Variants in ZFPM2 observed in about 807,000 individuals in gnomAD.
ZFPM2 encodes the protein zinc finger protein, FOG family member 2.
A neutral mutation model predicts 98.6 loss-of-function variants in ZFPM2; 20 were observed. The observed-to-expected ratio is 0.20, with a 90% CI of 0.14 to 0.29. The LOEUF (loss-of-function observed/expected upper bound fraction) is 0.29, where lower values mean the gene tolerates loss of function less well. ZFPM2 is among the 10% of genes least tolerant of loss of function. ZFPM2 has a pLI of 1.00. For missense variants in ZFPM2, 1,310 were observed against 1,388.6 expected (o/e 0.94, Z 0.90); for synonymous variants, 518 against 502.7 (o/e 1.03, Z -0.41).
Position 105,685,278 on chromosome 8 carries a change from A to C in ZFPM2, c.532+50921A>C, listed in dbSNP as rs186991360. The stretch of plus-strand genomic sequence containing the variant: ...AATTTAAATTGAATTAGCCACATGT[A>C]ATTAGTGGCTAACATATTGCATAGA... On this transcript the variant is annotated intron_variant, in intron 5 of 7. Coordinates refer to ENST00000407775, the MANE Select transcript of ZFPM2 (RefSeq NM_012082.4). 1.9e-4 allele frequency among the ~76,000 whole-genome samples: 29 copies of C among 152,250 alleles called. 1 individual carries two copies. The highest frequency in any genetic ancestry group is 1.5e-3 in the Admixed American group (23 of 15,290).
intron 3 of ZFPM2, among the ~76,000 whole-genome samples, chr8:105,482,667 A>G (rs1813143225): frequency 6.6e-6 from 1 of 152,148 alleles, no homozygotes; most frequent in Admixed American, 6.5e-5. Flanking sequence ...TTCAACATCT[A>G]TAGTCTTCTT....
chr8:105,736,081 CAT>C (rs950459284), intron 5 of ZFPM2, among the ~76,000 whole-genome samples: 5 of 151,924 alleles, frequency 3.3e-5, no homozygotes, highest in African/African-American at 4.8e-5. Context: ...AATGTTTAAA[CAT>C]GTGCTTATTT....
chr8:105,447,120 G>C (rs561828078), intron 3 of ZFPM2, among the ~76,000 whole-genome samples: 30 of 151,810 alleles, frequency 2.0e-4, no homozygotes, highest in African/African-American at 5.8e-4. Flanking sequence ...CATTTACCCT[G>C]ATATGACTAT....
intron 1 of ZFPM2, among the ~76,000 whole-genome samples, chr8:105,394,146 G>A (rs1811174785): frequency 6.6e-6 from 1 of 152,046 alleles, no homozygotes. Flanking sequence ...GCCCGCCTCG[G>A]CCTCCCAAAG....
chr8:105,472,528 A>C (rs1812924261), intron 3 of ZFPM2, among the ~76,000 whole-genome samples: 1 of 152,020 alleles, frequency 6.6e-6, no homozygotes. Context: ...TTTGAGACGG[A>C]GTCTCACTCT....
chr8:105,584,919 G>A (rs934533737), intron 4 of ZFPM2, among the ~76,000 whole-genome samples: 3 of 152,128 alleles, frequency 2.0e-5, no homozygotes, highest in African/African-American at 7.2e-5. Context: ...GTGTATGTCT[G>A]TAAATACTGT....
At position 105,648,325 on chromosome 8, in the gene ZFPM2, G is replaced by C. The variant is rs187213218; in HGVS notation, c.532+13968G>C. On this transcript the variant is annotated intron_variant, in intron 5 of 7. Coordinates refer to ENST00000407775, the MANE Select transcript of ZFPM2 (RefSeq NM_012082.4). ...TGCAAAAATGTTCTCCCATTCTGTAGGTTGCCTGTTCACTCCGATAGTAGT... is the reference window on the plus strand; with the variant it reads ...TGCAAAAATGTTCTCCCATTCTGTACGTTGCCTGTTCACTCCGATAGTAGT... Among the ~76,000 whole-genome samples the C allele has an allele frequency of 4.3e-4, 65 of 152,244 alleles. 1 individual carries two copies. The East Asian group carries it at 0.012, about 28-fold the overall frequency.
chr8:105,363,389 C>G (rs558983131), intron 1 of ZFPM2, among the ~76,000 whole-genome samples: 1 of 152,192 alleles, frequency 6.6e-6, no homozygotes, highest in South Asian at 2.1e-4. Context: ...TTATTTTGTT[C>G]TGCAATATTT....
At chr8:105,571,561 G>A (rs1815354813) in intron 4 of ZFPM2, among the ~76,000 whole-genome samples, 1 of 152,204 alleles carries the variant, frequency 6.6e-6, no homozygotes, top group Admixed American at 6.5e-5. Context: ...TGATGTTTTT[G>A]AGGAATTGTC....
chr8:105,473,323 A>G (rs1812945494), intron 3 of ZFPM2, among the ~76,000 whole-genome samples: 1 of 152,198 alleles, frequency 6.6e-6, no homozygotes, highest in African/African-American at 2.4e-5. Flanking sequence ...AGTAAGTAAT[A>G]AGATGCTACT....
At chr8:105,672,142 A>C (rs910484147) in intron 5 of ZFPM2, among the ~76,000 whole-genome samples, 1 of 151,876 alleles carries the variant, frequency 6.6e-6, no homozygotes, top group Non-Finnish European at 1.5e-5. Context: ...CTCATATAGC[A>C]TTTTGCTTTG....
chr8:105,460,458 A>T (rs1267501539), intron 3 of ZFPM2, among the ~76,000 whole-genome samples: 1 of 152,138 alleles, frequency 6.6e-6, no homozygotes, highest in Non-Finnish European at 1.5e-5. Context: ...ACATGGAAAC[A>T]TCCAACAGGT....
chr8:105,504,293 G>GC (rs1563689230), intron 3 of ZFPM2, among the ~76,000 whole-genome samples: 1 of 152,176 alleles, frequency 6.6e-6, no homozygotes, highest in African/African-American at 2.4e-5. Flanking sequence ...ATAAGCAGCA[G>GC]CAGGAGCAGA....
At chr8:105,393,798 A>C (rs552928317) in intron 1 of ZFPM2, among the ~76,000 whole-genome samples, 1 of 152,210 alleles carries the variant, frequency 6.6e-6, no homozygotes, top group South Asian at 2.1e-4. Context: ...TAATTAAAAT[A>C]TCTTGGATTT....
chr8:105,697,370 A>G (rs972337710), intron 5 of ZFPM2, among the ~76,000 whole-genome samples: 2 of 152,310 alleles, frequency 1.3e-5, no homozygotes, highest in African/African-American at 4.8e-5. Flanking sequence ...CAATTTCCAT[A>G]ATGCTGTCAC....
At chr8:105,770,985 C>T (rs746894346) in intron 5 of ZFPM2, among the ~76,000 whole-genome samples, 139 of 152,176 alleles carry the variant, frequency 9.1e-4, no homozygotes, top group Non-Finnish European at 5.3e-4. Flanking sequence ...TCACTCCTGG[C>T]CTTCCTAGGA....
intron 5 of ZFPM2, among the ~76,000 whole-genome samples, chr8:105,749,918 A>G (rs1200475599): frequency 6.6e-6 from 1 of 152,080 alleles, no homozygotes; most frequent in Non-Finnish European, 1.5e-5. Context: ...GAATTTGAGT[A>G]TAATGAATAT....
chr8:105,683,073 C>A (rs906935843), intron 5 of ZFPM2, among the ~76,000 whole-genome samples: 1 of 152,026 alleles, frequency 6.6e-6, no homozygotes, highest in African/African-American at 2.4e-5. Context: ...TTCCCTTGGG[C>A]CCCTTTTTAT....
At chr8:105,480,196 A>G (rs896404149) in intron 3 of ZFPM2, among the ~76,000 whole-genome samples, 4 of 152,194 alleles carry the variant, frequency 2.6e-5, no homozygotes, top group African/African-American at 9.7e-5. Flanking sequence ...AGGGGAGTAG[A>G]GAGCAACCAT....
Sources: gnomAD v4.1 joint callset for allele counts (sites outside exome capture counted in the v4.1 genomes callset) on GRCh38, gnomAD v4.1.1 for gene constraint, MANE v1.5 for transcripts, NCBI Gene and HGNC (gene_info 2026-07-23, HGNC 2026-07-21) for gene names.